GPC5: variants seen among roughly 807,000 people sequenced by gnomAD.
GPC5 encodes glypican 5.
A neutral mutation model predicts 53.9 loss-of-function variants in GPC5; 47 were observed. That is an observed-to-expected ratio of 0.87 (90% CI 0.69 to 1.11). The LOEUF (loss-of-function observed/expected upper bound fraction) is 1.11. GPC5 is among the 50% of genes most tolerant of loss of function. The pLI, the probability that GPC5 is intolerant of heterozygous loss-of-function variation, is 0.00. For synonymous variants in GPC5, 286 were observed against 263.3 expected (o/e 1.09, Z -0.84); for missense variants, 748 against 713.1 (o/e 1.05, Z -0.56).
chr13:92,262,820 G>A (rs901136777), intron 7 of GPC5, among the ~76,000 whole-genome samples: 1 of 152,090 alleles, frequency 6.6e-6, no homozygotes, highest in African/African-American at 2.4e-5. Context: ...AACTAAAAAA[G>A]GTTGAGACTA....
intron 6 of GPC5, among the ~76,000 whole-genome samples, chr13:91,982,724 C>G (rs561599826): frequency 6.6e-6 from 1 of 152,164 alleles, no homozygotes; most frequent in Non-Finnish European, 1.5e-5. Flanking sequence ...AGAGACCAGT[C>G]AAAGAGGAGC....
At chr13:92,470,650 C>T (rs1044347096) in intron 7 of GPC5, among the ~76,000 whole-genome samples, 1 of 152,102 alleles carries the variant, frequency 6.6e-6, no homozygotes, top group African/African-American at 2.4e-5. Flanking sequence ...CACTGCTGAG[C>T]AGTAGCTTTC....
At chr13:92,348,245 C>A (rs2043444372) in intron 7 of GPC5, among the ~76,000 whole-genome samples, 1 of 151,374 alleles carries the variant, frequency 6.6e-6, no homozygotes, top group African/African-American at 2.4e-5. Context: ...TTTTAGGACA[C>A]ACACAGACTG....
At chr13:91,410,339 C>CTTTTTTTTTTTTTTTTTT (rs66787310) in intron 1 of GPC5, among the ~76,000 whole-genome samples, 1 of 89,838 alleles carries the variant, frequency 1.1e-5, no homozygotes, top group African/African-American at 4.3e-5. Context: ...CGTTTCCATT[C>CTTTTTTTTTTTTTTTTTT]TTTTTTTTTT....
At chr13:91,484,902 A>G (rs1218717512) in intron 2 of GPC5, among the ~76,000 whole-genome samples, 1 of 152,242 alleles carries the variant, frequency 6.6e-6, no homozygotes, top group Non-Finnish European at 1.5e-5. Flanking sequence ...CCTGCGCTGC[A>G]GAAACTCTTT....
intron 7 of GPC5, among the ~76,000 whole-genome samples, chr13:92,547,793 A>G (rs2139011106): frequency 6.6e-6 from 1 of 151,868 alleles, no homozygotes; most frequent in Non-Finnish European, 1.5e-5. Flanking sequence ...CAAAAATTAA[A>G]AAGAAAACTT....
In GPC5 at chr13:92,584,306, G is replaced by A. The variant is rs1470238525; in HGVS notation, c.1562-281976G>A. 5.9e-5 allele frequency among the ~76,000 whole-genome samples: 9 copies of A among 152,182 alleles called. No homozygotes were observed. The South Asian group carries it at 6.2e-4, about 10-fold the overall frequency. ...GGACAATAAGGTCCGGGCTGATGTGGTCTCAGATGGAGATGAGGAACTTCT... is the reference window on the plus strand; with the variant it reads ...GGACAATAAGGTCCGGGCTGATGTGATCTCAGATGGAGATGAGGAACTTCT... On this transcript the variant is annotated intron_variant, in intron 7 of 7. Transcript: ENST00000377067.
chr13:92,586,356 G>C (rs1271528331), intron 7 of GPC5, among the ~76,000 whole-genome samples: 1 of 152,184 alleles, frequency 6.6e-6, no homozygotes, highest in Non-Finnish European at 1.5e-5. Context: ...TCTTAGAATT[G>C]CAAGTACCCA....
chr13:92,659,519 T>C (rs1256934875), intron 7 of GPC5, among the ~76,000 whole-genome samples: 3 of 151,958 alleles, frequency 2.0e-5, no homozygotes, highest in African/African-American at 7.3e-5. Context: ...AACTGGTCCA[T>C]ATATCCTGCT....
At chr13:92,719,637 A>G (rs1241112149) in intron 7 of GPC5, among the ~76,000 whole-genome samples, 1 of 152,190 alleles carries the variant, frequency 6.6e-6, no homozygotes, top group African/African-American at 2.4e-5. Flanking sequence ...AAGTATATAG[A>G]GAGTAAGATA....
At chr13:92,116,074 G>A (rs546049760) in intron 6 of GPC5, among the ~76,000 whole-genome samples, 8 of 152,070 alleles carry the variant, frequency 5.3e-5, no homozygotes, top group Non-Finnish European at 4.4e-5. Context: ...AACATAGCAG[G>A]AAACTATCTC....
In GPC5 at chr13:92,610,419, C is replaced by T. The variant is rs554183348; in HGVS notation, c.1562-255863C>T. Among the ~76,000 whole-genome samples, 132 of 152,108 alleles carry T rather than the reference C, an allele frequency of 8.7e-4. 1 individual carries two copies. Among genetic ancestry groups the T allele is most frequent in the African/African-American group, 2.9e-3 (120 of 41,504 alleles). On this transcript the variant is annotated intron_variant, in intron 7 of 7. Coordinates refer to ENST00000377067, the MANE Select transcript of GPC5 (RefSeq NM_004466.6). Reference sequence around the variant, plus strand: ...AGCTAGGAGGAGTATCAAAGAAATGCGCTCCAGTCAGCTTTTAAAATATCT... The same window carrying T: ...AGCTAGGAGGAGTATCAAAGAAATGTGCTCCAGTCAGCTTTTAAAATATCT...
At chr13:92,758,994 G>GTT (rs68182839) in intron 7 of GPC5, among the ~76,000 whole-genome samples, 1,716 of 70,480 alleles carry the variant, frequency 0.024, 161 homozygotes, top group East Asian at 0.19. Flanking sequence ...TCCCATTGCG[G>GTT]TTTTTTTTTT....
chr13:91,441,825 C>T lies in GPC5; in HGVS notation c.164-6936C>T, dbSNP rs564150172. Among the ~76,000 whole-genome samples the T allele has an allele frequency of 2.6e-5, 4 of 152,244 alleles. No homozygotes were observed. In the South Asian group the frequency reaches 6.2e-4, roughly 24 times the overall value. On this transcript the variant is annotated intron_variant, in intron 1 of 7. Transcript: ENST00000377067. ...TAGGAGGAGCAAGTTTGCCAATTGT[C>T]ATTTTTCTATTGTGAATTTCAAGGC...
At chr13:92,657,579 G>GT (rs67038073) in intron 7 of GPC5, among the ~76,000 whole-genome samples, 21,935 of 106,462 alleles carry the variant, frequency 0.21, 2,265 homozygotes, top group East Asian at 0.4. Context: ...AGGTTTTTTG[G>GT]TTTTTTTTTT....
intron 5 of GPC5, among the ~76,000 whole-genome samples, chr13:91,794,156 T>G (rs2038012220): frequency 6.6e-6 from 1 of 152,226 alleles, no homozygotes; most frequent in African/African-American, 2.4e-5. Context: ...TCCATTTTCC[T>G]CAAGAATAAT....
chr13:92,783,577 G>C (rs571283347), intron 7 of GPC5, among the ~76,000 whole-genome samples: 2 of 152,148 alleles, frequency 1.3e-5, no homozygotes, highest in African/African-American at 2.4e-5. Flanking sequence ...TGAGGGTCTT[G>C]TTAGTTGGAT....
At chr13:91,749,468 A>G (rs538585017) in intron 4 of GPC5, among the ~76,000 whole-genome samples, 221 of 152,298 alleles carry the variant, frequency 1.5e-3, no homozygotes, top group African/African-American at 5.2e-3. Context: ...GTTTCTGTGA[A>G]TAGTGCTGCG....
intron 7 of GPC5, among the ~76,000 whole-genome samples, chr13:92,486,161 A>G (rs1566611713): frequency 6.6e-6 from 1 of 152,126 alleles, no homozygotes; most frequent in Admixed American, 6.5e-5. Context: ...TTACACTGGA[A>G]TTTATCAGTG....
Sources: allele counts gnomAD v4.1 joint callset (sites outside exome capture counted in the v4.1 genomes callset), GRCh38; gene constraint gnomAD v4.1.1; transcripts MANE v1.5; gene names NCBI Gene and HGNC (gene_info 2026-07-23, HGNC 2026-07-21).